TACR3: variants seen among roughly 807,000 people sequenced by gnomAD.
TACR3 encodes neuromedin-K receptor.
TACR3 carries 34 observed loss-of-function variants against 35.0 expected under a neutral mutation model. The observed-to-expected ratio is 0.97, with a 90% CI of 0.74 to 1.30. TACR3 has a LOEUF of 1.30. Among genes scored for constraint, TACR3 ranks in the 50% most tolerant of loss-of-function variants. The probability of loss-of-function intolerance (pLI) is 0.00; values close to 1 mark genes in which losing one functional copy is unlikely to be tolerated. For missense variants in TACR3, 558 were observed against 591.7 expected, an observed-to-expected ratio of 0.94 and a Z score of 0.59; for synonymous variants, 233 against 221.1, an observed-to-expected ratio of 1.05 and a Z score of -0.48.
Position 103,589,817 on chromosome 4 carries a change from G to A in TACR3, c.1263C>T (p.Thr421=). ...VVFDPNDADT[T]RSSRKKRATP... is the part of the protein sequence containing the mutation. ...TTGCTCTTTTCTTCCGACTGGACCT[G>A]GTGGTGTCTGCATCGTTGGGGTCAA... The change falls in exon 5 of 5, where the codon ACC becomes ACT. Residue 421 remains threonine (T), a synonymous_variant. Coordinates refer to ENST00000304883, the MANE Select transcript of TACR3 (RefSeq NM_001059.3). The A allele has an allele frequency of 6.2e-7, 1 of 1,613,950 alleles. No homozygotes were observed. The highest frequency in any genetic ancestry group is 8.5e-7 in the Non-Finnish European group (1 of 1,179,880).
At chr4:103,633,374 G>T (rs1363905519) in intron 3 of TACR3, among the ~76,000 whole-genome samples, 2 of 151,750 alleles carry the variant, frequency 1.3e-5, no homozygotes, top group East Asian at 1.9e-4. Flanking sequence ...GCCCCATGAG[G>T]TAGCTTATTT....
chr4:103,716,912 A>G (rs1451176069), intron 1 of TACR3, among the ~76,000 whole-genome samples: 2 of 152,218 alleles, frequency 1.3e-5, no homozygotes, highest in African/African-American at 2.4e-5. Context: ...TAAATGAGTC[A>G]GTAAGTCCAT....
chr4:103,647,562 C>G (rs886359857), intron 3 of TACR3, among the ~76,000 whole-genome samples: 1 of 151,666 alleles, frequency 6.6e-6, no homozygotes, highest in East Asian at 1.9e-4. Context: ...GATTAGTAAC[C>G]AATTATCATT....
At chr4:103,707,421 G>A (rs923858395) in intron 1 of TACR3, among the ~76,000 whole-genome samples, 5 of 152,064 alleles carry the variant, frequency 3.3e-5, no homozygotes, top group Non-Finnish European at 7.4e-5. Context: ...TTATATTGAC[G>A]TATTTTTTTC....
intron 1 of TACR3, among the ~76,000 whole-genome samples, chr4:103,701,797 G>A (rs1357020176): frequency 6.6e-6 from 1 of 152,120 alleles, no homozygotes; most frequent in Non-Finnish European, 1.5e-5. Context: ...CAAGAAATGG[G>A]GAAAGGATTC....
chr4:103,616,433 C>T (rs1724663787), intron 3 of TACR3, among the ~76,000 whole-genome samples: 1 of 151,906 alleles, frequency 6.6e-6, no homozygotes, highest in African/African-American at 2.4e-5. Flanking sequence ...TATAGACACA[C>T]ACATATACAT....
chr4:103,615,398 T>TGTGTGTGA (rs367881970), intron 3 of TACR3, among the ~76,000 whole-genome samples: 5 of 117,230 alleles, frequency 4.3e-5, no homozygotes, highest in African/African-American at 1.4e-4. Context: ...TGTGTGTGTG[T>TGTGTGTGA]GAGAGAGAGA....
At chr4:103,612,094 G>A (rs934395062) in intron 3 of TACR3, among the ~76,000 whole-genome samples, 2 of 152,036 alleles carry the variant, frequency 1.3e-5, no homozygotes, top group African/African-American at 4.8e-5. Context: ...TTTTCTTATT[G>A]TATCTGAAAT....
rs1398515085 is a variant in TACR3, at chr4:103,589,813, A to T, written c.1267T>A (p.Ser423Thr). 1.2e-6 allele frequency: 2 copies of T among 1,613,864 alleles called. No individual in the cohort carries two copies. Residue 423 changes from serine to threonine, a missense_variant, in exon 5 of 5, where the codon TCC becomes ACC. Physicochemically the swap from Ser to Thr is moderately conservative, Grantham distance 58. Transcript: ENST00000304883. ...GGCGTTGCTCTTTTCTTCCGACTGG[A>T]CCTGGTGGTGTCTGCATCGTTGGGG... is the stretch of plus-strand genomic sequence containing the variant. The part of the protein sequence containing the change: ...FDPNDADTTR[S>T]SRKKRATPRD...
At chr4:103,670,732 T>G in intron 1 of TACR3, among the ~76,000 whole-genome samples, 1 of 152,146 alleles carries the variant, frequency 6.6e-6, no homozygotes, top group South Asian at 2.1e-4. Context: ...AGTCTTTAGG[T>G]TTTCTAAATA....
intron 3 of TACR3, among the ~76,000 whole-genome samples, chr4:103,625,029 G>T (rs1724859753): frequency 6.6e-6 from 1 of 152,052 alleles, no homozygotes; most frequent in Non-Finnish European, 1.5e-5. Flanking sequence ...TTAAAAAAGA[G>T]AGAAACACGC....
In TACR3 at chr4:103,719,413, C is replaced by A; in HGVS notation, c.263G>T (p.Trp88Leu). Residue 88 changes from tryptophan (W) to leucine (L), a missense_variant, in exon 1 of 5, where the codon TGG becomes TTG. Transcript: ENST00000304883. ...CACCACCACACCATACGCCAGGGAC[C>A]AGAGCGCGATGCGCCAGGACGGCTG... The part of the protein sequence containing the change: ...FVQPSWRIAL[W>L]SLAYGVVVAV... The A allele has an allele frequency of 6.2e-7, 1 of 1,614,240 alleles. No individual in the cohort carries two copies. The highest frequency in any genetic ancestry group is 1.1e-5 in the South Asian group (1 of 91,090).
intron 1 of TACR3, among the ~76,000 whole-genome samples, chr4:103,703,318 TACC>T (rs1722705895): frequency 6.6e-6 from 1 of 152,190 alleles, no homozygotes; most frequent in Non-Finnish European, 1.5e-5. Flanking sequence ...TGTACAACCA[TACC>T]ACCACTCATC....
chr4:103,686,109 A>C (rs1462133031), intron 1 of TACR3, among the ~76,000 whole-genome samples: 5 of 152,194 alleles, frequency 3.3e-5, no homozygotes, highest in African/African-American at 1.2e-4. Flanking sequence ...AGGATGATTC[A>C]GGGGAAGAGA....
intron 1 of TACR3, among the ~76,000 whole-genome samples, chr4:103,695,701 G>GTC (rs751084237): frequency 0.021 from 3,063 of 144,752 alleles, 94 homozygotes; most frequent in African/African-American, 0.076. Context: ...ATATAGATAT[G>GTC]TCTCTCTCTC....
chr4:103,602,176 A>G (rs1724222663), intron 3 of TACR3, among the ~76,000 whole-genome samples: 1 of 152,164 alleles, frequency 6.6e-6, no homozygotes, highest in Non-Finnish European at 1.5e-5. Flanking sequence ...AGTTGATCGC[A>G]TCGGCTACTG....
At chr4:103,668,597 C>A (rs1161874367) in intron 1 of TACR3, among the ~76,000 whole-genome samples, 1 of 151,924 alleles carries the variant, frequency 6.6e-6, no homozygotes, top group African/African-American at 2.4e-5. Flanking sequence ...CCTGTAATCC[C>A]AGCATTTTGG....
At chr4:103,672,489 T>G (rs1726077644) in intron 1 of TACR3, among the ~76,000 whole-genome samples, 1 of 152,186 alleles carries the variant, frequency 6.6e-6, no homozygotes, top group Non-Finnish European at 1.5e-5. Flanking sequence ...GGTTACTAGG[T>G]GCATTGCCAA....
intron 1 of TACR3, among the ~76,000 whole-genome samples, chr4:103,709,310 G>A (rs144540880): frequency 1.3e-5 from 2 of 152,150 alleles, no homozygotes; most frequent in African/African-American, 4.8e-5. Flanking sequence ...CGGATCTCTT[G>A]GCAGAAACTC....
Sources: allele counts gnomAD v4.1 joint callset (sites outside exome capture counted in the v4.1 genomes callset), GRCh38; gene constraint gnomAD v4.1.1; transcripts MANE v1.5; gene names NCBI Gene and HGNC (gene_info 2026-07-23, HGNC 2026-07-21).